KIF2A: variants seen among roughly 807,000 people sequenced by gnomAD.
KIF2A encodes the protein kinesin family member 2A.
KIF2A carries 22 observed loss-of-function variants against 100.2 expected under a neutral mutation model. The observed-to-expected ratio is 0.22, with a 90% CI of 0.16 to 0.31. The LOEUF is 0.31. Among genes scored for constraint, KIF2A ranks in the 10% least tolerant of loss-of-function variants. The probability of loss-of-function intolerance (pLI) is 1.00; values close to 1 mark genes in which losing one functional copy is unlikely to be tolerated. For missense variants in KIF2A, 495 were observed against 898.7 expected (o/e 0.55, Z 5.74); for synonymous variants, 268 against 285.9 (o/e 0.94, Z 0.63).
At chr5:62,376,712 C>T (rs753085826) in intron 18 of KIF2A, among the ~76,000 whole-genome samples, 8 of 151,896 alleles carry the variant, frequency 5.3e-5, no homozygotes, top group Admixed American at 1.3e-4. Context: ...TGAGCCACCA[C>T]ACCCAGCCGA....
intron 1 of KIF2A, among the ~76,000 whole-genome samples, chr5:62,311,032 C>G (rs899712755): frequency 6.6e-6 from 1 of 152,166 alleles, no homozygotes; most frequent in Non-Finnish European, 1.5e-5. Flanking sequence ...TGTATTGATA[C>G]ATGTAATCTG....
chr5:62,363,688 A>G lies in KIF2A; in HGVS notation c.1263-7A>G. 2 of 1,611,302 alleles carry G rather than the reference A, an allele frequency of 1.2e-6. No homozygotes were observed. The highest frequency in any genetic ancestry group is 1.7e-6 in the Non-Finnish European group (2 of 1,177,558). On this transcript the variant is annotated splice_region_variant and splice_polypyrimidine_tract_variant and intron_variant, in intron 13 of 20. Coordinates refer to ENST00000407818, the MANE Select transcript of KIF2A (RefSeq NM_001098511.3). ...AATGTATCAAGATGTCCTTAATCAC[A>G]TTGTAGAACATCCGGTCAAACATCT...
chr5:62,306,259 G>T lies in KIF2A; in HGVS notation c.-214G>T. On this transcript the variant is annotated 5_prime_UTR_variant, in exon 1 of 21. Transcript: ENST00000407818. ...GGCCCTAGCTTCACCCCGACTACCC[G>T]GCGTGCGCGTCCTCCTGCCGGCCTG... 2 of 523,812 alleles carry T rather than the reference G, an allele frequency of 3.8e-6. No homozygotes were observed. Among genetic ancestry groups the T allele is most frequent in the Non-Finnish European group, 6.7e-6 (2 of 297,808 alleles). The allele number at this position is 523,812 out of a possible 1,614,324, so 32.4% of individuals were successfully genotyped here.
intron 1 of KIF2A, among the ~76,000 whole-genome samples, chr5:62,317,956 A>G (rs767996805): frequency 6.6e-6 from 1 of 152,270 alleles, no homozygotes; most frequent in Admixed American, 6.5e-5. Context: ...TTTAAACAGG[A>G]ACAAATGCTA....
At chr5:62,345,004 T>C (rs1017074718) in intron 1 of KIF2A, among the ~76,000 whole-genome samples, 2 of 151,770 alleles carry the variant, frequency 1.3e-5, no homozygotes, top group African/African-American at 2.4e-5. Context: ...CCAGCACTTA[T>C]GGAGGCCAAG....
chr5:62,325,639 A>G (rs972101682), intron 1 of KIF2A, among the ~76,000 whole-genome samples: 5 of 152,166 alleles, frequency 3.3e-5, no homozygotes, highest in Non-Finnish European at 5.9e-5. Context: ...AAGTCAAAAA[A>G]ATAACAGATG....
intron 1 of KIF2A, among the ~76,000 whole-genome samples, chr5:62,336,169 G>T (rs959512754): frequency 6.6e-6 from 1 of 152,212 alleles, no homozygotes; most frequent in African/African-American, 2.4e-5. Flanking sequence ...GATGGATGAG[G>T]CTGAAGCAGG....
At chr5:62,369,272 A>G (rs1167306749) in intron 16 of KIF2A, among the ~76,000 whole-genome samples, 3 of 152,182 alleles carry the variant, frequency 2.0e-5, no homozygotes. Context: ...ATGAAGGTTT[A>G]ATTGACTCAC....
At chr5:62,365,196 C>T (rs982088367) in intron 14 of KIF2A, 47 bp from the exon 15 acceptor site, 7 of 937,118 alleles carry the variant, frequency 7.5e-6, no homozygotes, top group African/African-American at 6.7e-5. Flanking sequence ...TAAGATTATC[C>T]TTTATAAGAA....
chr5:62,361,249 G>C lies in KIF2A; in HGVS notation c.880G>C (p.Ala294Pro). Residue 294 changes from alanine to proline, a missense_variant, in exon 10 of 21, where the codon GCT becomes CCT. Around this residue, in one of 10 missense-constraint regions of KIF2A, gnomAD observed 109 missense variants for 244.2 expected, o/e 0.45. Transcript: ENST00000407818. ...APNEMVYRFT[A>P]RPLVETIFER... The stretch of plus-strand genomic sequence containing the variant: ...ATGCATTTTATTTTTAAGGTTTACT[G>C]CTAGACCACTAGTGGAAACTATATT... 6.3e-7 allele frequency: 1 copy of C among 1,592,620 alleles called. No homozygotes were observed. The highest frequency in any genetic ancestry group is 8.6e-7 in the Non-Finnish European group (1 of 1,165,654).
intron 13 of KIF2A, 23 bp from the exon 14 acceptor site, chr5:62,363,672 A>G (rs1740921281): frequency 3.1e-6 from 5 of 1,596,976 alleles, no homozygotes; most frequent in Non-Finnish European, 4.3e-6. Context: ...TAATGTATCA[A>G]GATGTCCTTA....
chr5:62,363,180 G>T lies in KIF2A; in HGVS notation c.1122G>T (p.Val374=). 1 of 1,602,840 alleles carries T rather than the reference G, an allele frequency of 6.2e-7. No individual in the cohort carries two copies. Among genetic ancestry groups the T allele is most frequent in the African/African-American group, 1.3e-5 (1 of 74,732 alleles). ...ATFFEIYSGK[V]FDLLNRKTKL... ...AATTTGAATATGGTTTTTCATAGGT[G>T]TTTGACTTGCTAAACAGGAAAACAA... is the stretch of plus-strand genomic sequence containing the variant. The change falls in exon 13 of 21, where the codon GTG becomes GTT. Residue 374 remains valine, a splice_region_variant and synonymous_variant. Coordinates refer to ENST00000407818, the MANE Select transcript of KIF2A (RefSeq NM_001098511.3).
At chr5:62,327,971 A>G (rs746473528) in intron 1 of KIF2A, among the ~76,000 whole-genome samples, 41 of 152,268 alleles carry the variant, frequency 2.7e-4, no homozygotes, top group Non-Finnish European at 5.3e-4. Context: ...TTCACAGAAT[A>G]GCACTGCTGT....
intron 4 of KIF2A, among the ~76,000 whole-genome samples, chr5:62,350,971 C>T (rs918637402): frequency 6.6e-6 from 1 of 152,008 alleles, no homozygotes; most frequent in African/African-American, 2.4e-5. Context: ...GTGGCTCACC[C>T]CTGAAATCCC....
chr5:62,361,299 TG>T lies in KIF2A; in HGVS notation c.931del (p.Ala311LeufsTer31). 1 of 1,609,176 alleles carries T rather than the reference TG, an allele frequency of 6.2e-7. No individual in the cohort carries two copies. The highest frequency in any genetic ancestry group is 8.5e-7 in the Non-Finnish European group (1 of 1,177,038). ...IFERGMATCF[A>X]YGQTGSGKTH... ...TTGAAAGGGGAATGGCTACATGCTT[TG>T]CTTATGGGCAGACTGGAAGTGGAAA... is the stretch of plus-strand genomic sequence containing the variant. On this transcript the variant is annotated frameshift_variant, in exon 10 of 21. Transcript: ENST00000407818. LOFTEE classifies it high-confidence loss of function.
At chr5:62,379,892 CTTGTT>C (rs1366746216) in intron 19 of KIF2A, among the ~76,000 whole-genome samples, 1 of 151,990 alleles carries the variant, frequency 6.6e-6, no homozygotes, top group East Asian at 1.9e-4. Flanking sequence ...AAGATCTGGT[CTTGTT>C]TTGTTTTTTG....
rs1342902933 is a variant in KIF2A, at chr5:62,306,408, C to T, written c.-65C>T. ...CCCCCTCCCACACCTACCCCGCCCC[C>T]TCCCCGCCTTTTCCGCCCTCCGGTC... On this transcript the variant is annotated 5_prime_UTR_variant, in exon 1 of 21. Transcript: ENST00000407818. 1.7e-6 allele frequency: 2 copies of T among 1,143,994 alleles called. No individual in the cohort carries two copies. Among genetic ancestry groups the T allele is most frequent in the South Asian group, 2.7e-5 (2 of 73,714 alleles). The allele number at this position is 1,143,994 out of a possible 1,614,324, so 70.9% of individuals were successfully genotyped here.
Position 62,387,282 on chromosome 5 carries a change from G to C in KIF2A, c.*1713G>C, listed in dbSNP as rs1312658634. The C allele has an allele frequency of 3.3e-5, 5 of 152,154 alleles. No individual in the cohort carries two copies. The highest frequency in any genetic ancestry group is 1.2e-4 in the African/African-American group (5 of 41,426). The allele number at this position is 152,154 out of a possible 1,614,324, so 9.4% of individuals were successfully genotyped here. A position where few individuals can be genotyped will look rare whatever the true frequency, so the allele number is the denominator to read the frequency against. ...ATTCTATTTGTGTTTATTTCAAAGG[G>C]AAGAGGAAGGATGGAGAACTGTTAC... On this transcript the variant is annotated 3_prime_UTR_variant, in exon 21 of 21. Transcript: ENST00000407818.
chr5:62,339,544 T>G (rs566540506), intron 1 of KIF2A, among the ~76,000 whole-genome samples: 56 of 147,408 alleles, frequency 3.8e-4, no homozygotes, highest in Middle Eastern at 3.6e-3. Flanking sequence ...TCTCTTATTA[T>G]GTATCTTAGA....
Sources: gnomAD v4.1 joint callset for allele counts (sites outside exome capture counted in the v4.1 genomes callset) on GRCh38, gnomAD v4.1.1 for gene constraint, gnomAD v4.1.1 regional missense constraint, MANE v1.5 for transcripts, NCBI Gene and HGNC (gene_info 2026-07-23, HGNC 2026-07-21) for gene names.